Variants in AGBL1 observed in about 807,000 individuals in gnomAD.
The protein encoded by AGBL1 is cytosolic carboxypeptidase 4.
A neutral mutation model predicts 118.9 loss-of-function variants in AGBL1; 130 were observed. The observed-to-expected ratio is 1.09, with a 90% CI of 0.95 to 1.26. The LOEUF (loss-of-function observed/expected upper bound fraction) is 1.26, where lower values mean the gene tolerates loss of function less well. AGBL1 is among the 50% of genes most tolerant of loss of function. The pLI, the probability that AGBL1 is intolerant of heterozygous loss-of-function variation, is 0.00. For synonymous variants in AGBL1, 555 were observed against 478.9 expected, an observed-to-expected ratio of 1.16 and a Z score of -2.08; for missense variants, 1,584 against 1,298.1, an observed-to-expected ratio of 1.22 and a Z score of -3.38.
At chr15:86,389,770 A>G (rs939992158) in intron 17 of AGBL1, among the ~76,000 whole-genome samples, 2 of 152,130 alleles carry the variant, frequency 1.3e-5, no homozygotes, top group Non-Finnish European at 2.9e-5. Flanking sequence ...AAAAGAATAG[A>G]AGGATGTATA....
At chr15:86,526,579 C>G (rs979208741) in intron 19 of AGBL1, among the ~76,000 whole-genome samples, 7 of 127,704 alleles carry the variant, frequency 5.5e-5, no homozygotes, top group Admixed American at 5.4e-4. Context: ...TATATACACA[C>G]AGAGTATATA....
At chr15:86,180,506 AC>A in intron 5 of AGBL1, among the ~76,000 whole-genome samples, 1 of 152,160 alleles carries the variant, frequency 6.6e-6, no homozygotes, top group Non-Finnish European at 1.5e-5. Context: ...ATACTTTACA[AC>A]ATAAACAAAG....
chr15:86,449,935 T>C (rs6496335), intron 18 of AGBL1, among the ~76,000 whole-genome samples: 101,978 of 151,854 alleles, frequency 0.67, 36,359 homozygotes, highest in African/African-American at 0.9. Flanking sequence ...CTTTCTCTTT[T>C]GCTGGCGTAT....
At chr15:86,686,662 C>T (rs1300331538) in intron 22 of AGBL1, among the ~76,000 whole-genome samples, 1 of 152,076 alleles carries the variant, frequency 6.6e-6, no homozygotes, top group African/African-American at 2.4e-5. Flanking sequence ...TGGTCTTGAA[C>T]TCCTAACCTC....
At chr15:86,838,956 AAAAAAAAAAAG>A (rs1419651612) in intron 22 of AGBL1, among the ~76,000 whole-genome samples, 1 of 150,226 alleles carries the variant, frequency 6.7e-6, no homozygotes, top group Non-Finnish European at 1.5e-5. Flanking sequence ...AAAAAAAAAA[AAAAAAAAAAAG>A]AAAGAAATGT....
intron 22 of AGBL1, among the ~76,000 whole-genome samples, chr15:86,776,750 ATGTGTGTGTGTGTGTG>A (rs10570012): frequency 4.3e-5 from 6 of 139,732 alleles, no homozygotes; most frequent in African/African-American, 7.8e-5. Context: ...ATATATATAT[ATGTGTGTGTGTGTGTG>A]TGTGTGTGTG....
chr15:86,302,955 G>A (rs2079777771), intron 17 of AGBL1, among the ~76,000 whole-genome samples: 1 of 152,108 alleles, frequency 6.6e-6, no homozygotes, highest in African/African-American at 2.4e-5. Flanking sequence ...CTAATAGGAT[G>A]TTATTAAAAG....
chr15:86,293,354 A>G (rs1211741385), intron 16 of AGBL1, among the ~76,000 whole-genome samples: 1 of 152,058 alleles, frequency 6.6e-6, no homozygotes, highest in Admixed American at 6.6e-5. Flanking sequence ...CTCTGTGGGG[A>G]GAGTGTGTTT....
At chr15:86,975,556 A>C (rs12591723) in intron 23 of AGBL1, among the ~76,000 whole-genome samples, 1 of 151,992 alleles carries the variant, frequency 6.6e-6, no homozygotes, top group East Asian at 1.9e-4. Flanking sequence ...TTTACAACTA[A>C]AGACCCTGTC....
intron 21 of AGBL1, among the ~76,000 whole-genome samples, chr15:86,568,352 C>A (rs778174633): frequency 5.9e-5 from 9 of 152,088 alleles, no homozygotes; most frequent in African/African-American, 9.7e-5. Context: ...ATGAGCAATG[C>A]CCCCAAGAAG....
At chr15:86,170,660 C>T (rs1362063253) in intron 5 of AGBL1, among the ~76,000 whole-genome samples, 1 of 151,484 alleles carries the variant, frequency 6.6e-6, no homozygotes, top group Non-Finnish European at 1.5e-5. Flanking sequence ...CCCTGGGCAA[C>T]ATGGTGAAAC....
intron 18 of AGBL1, among the ~76,000 whole-genome samples, chr15:86,436,922 T>C (rs1189014395): frequency 6.6e-6 from 1 of 151,790 alleles, no homozygotes; most frequent in Non-Finnish European, 1.5e-5. Context: ...CAAGACTCTG[T>C]AACTCACCAA....
intron 21 of AGBL1, among the ~76,000 whole-genome samples, chr15:86,573,657 AGTCCACTGGAG>A (rs2084041427): frequency 6.6e-6 from 1 of 152,170 alleles, no homozygotes; most frequent in African/African-American, 2.4e-5. Flanking sequence ...GCTGGATCTG[AGTCCACTGGAG>A]TATGTAAGAA....
At chr15:86,790,621 T>G (rs2141328818) in intron 22 of AGBL1, among the ~76,000 whole-genome samples, 1 of 152,304 alleles carries the variant, frequency 6.6e-6, no homozygotes. Context: ...TAATGTATTT[T>G]ATGGGAAATG....
intron 5 of AGBL1, among the ~76,000 whole-genome samples, chr15:86,219,504 C>T (rs1201718745): frequency 1.3e-5 from 2 of 152,270 alleles, no homozygotes; most frequent in East Asian, 3.9e-4. Context: ...ATCAAGTAAA[C>T]CCAGAACCCA....
chr15:86,575,676 A>G (rs1247235984), intron 21 of AGBL1, among the ~76,000 whole-genome samples: 1 of 151,784 alleles, frequency 6.6e-6, no homozygotes, highest in African/African-American at 2.4e-5. Flanking sequence ...TGCAGTCTTG[A>G]CTTCCTGGGC....
At chr15:86,990,601 C>G (rs1434393497) in intron 24 of AGBL1, among the ~76,000 whole-genome samples, 1 of 152,206 alleles carries the variant, frequency 6.6e-6, no homozygotes, top group East Asian at 1.9e-4. Context: ...TTACTATCTA[C>G]CAGGCACTCT....
intron 17 of AGBL1, among the ~76,000 whole-genome samples, chr15:86,336,040 G>A (rs978836008): frequency 1.2e-4 from 19 of 152,210 alleles, no homozygotes; most frequent in African/African-American, 4.1e-4. Context: ...ACAAAGATGA[G>A]AGAAAGCATG....
At chr15:86,175,583 C>T (rs1368215168) in intron 5 of AGBL1, among the ~76,000 whole-genome samples, 1 of 151,974 alleles carries the variant, frequency 6.6e-6, no homozygotes, top group African/African-American at 2.4e-5. Flanking sequence ...CCTTGAGGTG[C>T]ATCACTAAAT....
Sources: allele counts gnomAD v4.1 joint callset (sites outside exome capture counted in the v4.1 genomes callset), GRCh38; gene constraint gnomAD v4.1.1; transcripts MANE v1.5; gene names NCBI Gene and HGNC (gene_info 2026-07-23, HGNC 2026-07-21).